Variants in HNF4A observed in about 807,000 individuals in gnomAD.
The protein encoded by HNF4A is hepatocyte nuclear factor 4 alpha.
In HNF4A, 15 loss-of-function variants were observed where a neutral mutation model predicts 52.4. The observed-to-expected ratio is 0.29, with a 90% CI of 0.19 to 0.44. The LOEUF (loss-of-function observed/expected upper bound fraction) is 0.44. Among genes scored for constraint, HNF4A ranks in the 20% least tolerant of loss-of-function variants. The pLI, the probability that HNF4A is intolerant of heterozygous loss-of-function variation, is 1.00. For synonymous variants in HNF4A, 280 were observed against 264.4 expected, an observed-to-expected ratio of 1.06 and a Z score of -0.57; for missense variants, 479 against 647.2, an observed-to-expected ratio of 0.74 and a Z score of 2.82.
rs1256468335 is a variant in HNF4A, at chr20:44,432,726, C to T, written c.*3061C>T. The T allele has an allele frequency of 6.6e-6, 1 of 152,132 alleles. No individual in the cohort carries two copies. Among genetic ancestry groups the T allele is most frequent in the Admixed American group, 6.5e-5 (1 of 15,270 alleles). The allele number at this position is 152,132 out of a possible 1,614,324, so 9.4% of individuals were successfully genotyped here. A position where few individuals can be genotyped will look rare whatever the true frequency, so the allele number is the denominator to read the frequency against. ...GGTGTGAATGTCATTAGGTCTTGCG[C>T]TGACCCCTGAGCCCCCATCACTGCC... On this transcript the variant is annotated 3_prime_UTR_variant, in exon 10 of 10. Coordinates refer to ENST00000316099, the MANE Select transcript of HNF4A (RefSeq NM_000457.6).
At chr20:44,409,807 C>A (rs1013103363) in intron 3 of HNF4A, among the ~76,000 whole-genome samples, 2 of 151,350 alleles carry the variant, frequency 1.3e-5, no homozygotes, top group Non-Finnish European at 2.9e-5. Flanking sequence ...ACACTGCCCA[C>A]TAGGATGGGT....
At chr20:44,358,383 G>GA (rs2062881691) in intron 1 of HNF4A, among the ~76,000 whole-genome samples, 1 of 152,166 alleles carries the variant, frequency 6.6e-6, no homozygotes, top group Admixed American at 6.5e-5. Context: ...GCTGAGGCGG[G>GA]CAGATAACTT....
At chr20:44,368,142 A>AT (rs2062990855) in intron 1 of HNF4A, among the ~76,000 whole-genome samples, 2 of 5,972 alleles carry the variant, frequency 3.3e-4, no homozygotes, top group Non-Finnish European at 7.3e-4. Context: ...GTGTATATAC[A>AT]TATATATATA....
chr20:44,415,481 C>T (rs1402126227), intron 5 of HNF4A, among the ~76,000 whole-genome samples: 2 of 152,072 alleles, frequency 1.3e-5, no homozygotes, highest in Admixed American at 6.5e-5. Flanking sequence ...TCGGAGATGC[C>T]ACCTATGAAG....
chr20:44,426,532 G>A (rs1434460024), intron 8 of HNF4A, among the ~76,000 whole-genome samples: 1 of 152,118 alleles, frequency 6.6e-6, no homozygotes, highest in African/African-American at 2.4e-5. Flanking sequence ...GGCCGGGCAC[G>A]GTGGCTCACA....
At chr20:44,402,596 C>A (rs757731931) in intron 1 of HNF4A, 1 of 1,365,898 alleles carries the variant, frequency 7.3e-7, no homozygotes, top group Non-Finnish European at 9.8e-7. Flanking sequence ...GCATCCCCTC[C>A]GACATCACTG....
At chr20:44,394,166 G>A (rs942140554) in intron 1 of HNF4A, among the ~76,000 whole-genome samples, 7 of 152,140 alleles carry the variant, frequency 4.6e-5, no homozygotes, top group African/African-American at 1.7e-4. Flanking sequence ...CTGGGAGGAG[G>A]GGGAGAACGG....
intron 5 of HNF4A, among the ~76,000 whole-genome samples, chr20:44,416,386 A>G (rs1459689862): frequency 2.0e-5 from 3 of 152,250 alleles, no homozygotes; most frequent in Non-Finnish European, 4.4e-5. Context: ...GCTTAGAGAG[A>G]GACAGAAATT....
intron 1 of HNF4A, among the ~76,000 whole-genome samples, chr20:44,375,542 A>G (rs1178050797): frequency 6.6e-6 from 1 of 151,770 alleles, no homozygotes; most frequent in Non-Finnish European, 1.5e-5. Context: ...CAGGGTGTTA[A>G]TAACTTAACA....
intron 1 of HNF4A, among the ~76,000 whole-genome samples, chr20:44,366,544 C>G (rs752495667): frequency 6.6e-6 from 1 of 152,004 alleles, no homozygotes; most frequent in Non-Finnish European, 1.5e-5. Flanking sequence ...TCTCTTAAAC[C>G]CAGGAGGTGG....
chr20:44,357,879 C>T (rs2146138025), intron 1 of HNF4A, among the ~76,000 whole-genome samples: 1 of 151,312 alleles, frequency 6.6e-6, no homozygotes, highest in African/African-American at 2.4e-5. Context: ...TGTCATCTGA[C>T]TCGAGACTTG....
At chr20:44,387,657 G>GGC (rs1555810288) in intron 1 of HNF4A, among the ~76,000 whole-genome samples, 1 of 73,612 alleles carries the variant, frequency 1.4e-5, no homozygotes, top group East Asian at 5.6e-4. Context: ...GAGGCAGGCG[G>GGC]GGGGGGGGGG....
At chr20:44,405,949 C>G (rs2063493449) in intron 1 of HNF4A, 109 bp from the exon 2 acceptor site, 3 of 1,041,420 alleles carry the variant, frequency 2.9e-6, no homozygotes, top group Non-Finnish European at 4.5e-6. Flanking sequence ...GTGGGAACAG[C>G]CCCCAGATCT....
chr20:44,378,779 C>G (rs1043064421), intron 1 of HNF4A, among the ~76,000 whole-genome samples: 2 of 151,416 alleles, frequency 1.3e-5, no homozygotes, highest in South Asian at 4.2e-4. Context: ...ATTAGCCGGG[C>G]GTGGTGGTGC....
chr20:44,362,818 G>A (rs911307572), intron 1 of HNF4A, among the ~76,000 whole-genome samples: 1 of 151,302 alleles, frequency 6.6e-6, no homozygotes, highest in African/African-American at 2.4e-5. Flanking sequence ...CTAGCTGTGT[G>A]ACCTTGAGTG....
At chr20:44,406,463 G>T (rs2063502333) in intron 2 of HNF4A, among the ~76,000 whole-genome samples, 1 of 152,216 alleles carries the variant, frequency 6.6e-6, no homozygotes, top group Non-Finnish European at 1.5e-5. Flanking sequence ...CTTATCATAT[G>T]CCAGGCACAA....
At chr20:44,387,736 G>A (rs2063248402) in intron 1 of HNF4A, among the ~76,000 whole-genome samples, 1 of 131,600 alleles carries the variant, frequency 7.6e-6, no homozygotes, top group African/African-American at 2.6e-5. Flanking sequence ...AAAAAAAAAG[G>A]GAAGAAGTGA....
chr20:44,377,068 G>C (rs990810531), intron 1 of HNF4A, among the ~76,000 whole-genome samples: 10 of 151,982 alleles, frequency 6.6e-5, no homozygotes, highest in African/African-American at 2.4e-4. Context: ...AAATAAAATA[G>C]ATAAAATGCT....
intron 1 of HNF4A, among the ~76,000 whole-genome samples, chr20:44,379,480 T>C (rs2063126198): frequency 6.6e-6 from 1 of 152,040 alleles, no homozygotes; most frequent in South Asian, 2.1e-4. Flanking sequence ...TATTGTCTGT[T>C]TTGTTGTTGT....
Sources: gnomAD v4.1 joint callset for allele counts (sites outside exome capture counted in the v4.1 genomes callset) on GRCh38, gnomAD v4.1.1 for gene constraint, MANE v1.5 for transcripts, NCBI Gene and HGNC (gene_info 2026-07-23, HGNC 2026-07-21) for gene names.